ARHGAP44: variants seen among roughly 807,000 people sequenced by gnomAD.
ARHGAP44 encodes the protein Rho GTPase activating protein 44, also known as rho GTPase-activating protein 44.
ARHGAP44 carries 43 observed loss-of-function variants against 106.8 expected under a neutral mutation model. That is an observed-to-expected ratio of 0.40 (90% confidence interval 0.32 to 0.52). ARHGAP44 has a LOEUF of 0.52. ARHGAP44 is among the 20% of genes least tolerant of loss of function. The probability of loss-of-function intolerance (pLI) is 0.48; values close to 1 mark genes in which losing one functional copy is unlikely to be tolerated. For synonymous variants in ARHGAP44, 439 were observed against 410.3 expected (o/e 1.07, Z -0.85); for missense variants, 866 against 1,050.5 (o/e 0.82, Z 2.43).
chr17:12,815,686 G>T (rs1213438822), intron 1 of ARHGAP44, among the ~76,000 whole-genome samples: 1 of 152,176 alleles, frequency 6.6e-6, no homozygotes, highest in African/African-American at 2.4e-5. Flanking sequence ...CAAATTGGCC[G>T]TTGGGTGGTA....
chr17:12,831,065 C>CT (rs2035073697), intron 1 of ARHGAP44, among the ~76,000 whole-genome samples: 1 of 152,174 alleles, frequency 6.6e-6, no homozygotes, highest in Non-Finnish European at 1.5e-5. Flanking sequence ...GAAGTTTATT[C>CT]TGGCTCGCTT....
In ARHGAP44 at chr17:12,896,415, G is replaced by A. The variant is rs374981240; in HGVS notation, c.102G>A (p.Lys34=). The A allele has an allele frequency of 7.5e-6, 12 of 1,599,334 alleles. No homozygotes were observed. Among genetic ancestry groups the A allele is most frequent in the Non-Finnish European group, 1.0e-5 (12 of 1,173,472 alleles). Residue 34 remains lysine (K), a synonymous_variant, in exon 3 of 21, where the codon AAG becomes AAA. Coordinates refer to ENST00000379672, the MANE Select transcript of ARHGAP44 (RefSeq NM_014859.6). ...CGCTCTTCTCTCTGCAGGTGGAGAAGCGTCTGGAGCTGGTGAAACAGGTGT... is the reference window on the plus strand; with the variant it reads ...CGCTCTTCTCTCTGCAGGTGGAGAAACGTCTGGAGCTGGTGAAACAGGTGT... ...VLSEDLLQVE[K]RLELVKQVSH...
intron 15 of ARHGAP44, among the ~76,000 whole-genome samples, chr17:12,957,187 A>ACTG (rs2039151429): frequency 1.3e-5 from 2 of 151,970 alleles, no homozygotes; most frequent in African/African-American, 4.8e-5. Context: ...TGAACTCCTG[A>ACTG]CCTCAGGTGA....
At chr17:12,839,494 T>G (rs543164419) in intron 1 of ARHGAP44, among the ~76,000 whole-genome samples, 8 of 152,358 alleles carry the variant, frequency 5.3e-5, no homozygotes, top group Non-Finnish European at 1.0e-4. Context: ...TACCGTAGTG[T>G]AGTACATTCT....
At chr17:12,802,948 TATATATATATATATATATATA>T (rs1328063046) in intron 1 of ARHGAP44, among the ~76,000 whole-genome samples, 389 of 36,164 alleles carry the variant, frequency 0.011, 9 homozygotes, top group South Asian at 0.019. Flanking sequence ...TATATATATA[TATATATATATATATATATATA>T]TTTTTTTTTT....
chr17:12,922,960 T>C (rs966193579), intron 6 of ARHGAP44, among the ~76,000 whole-genome samples: 1 of 152,200 alleles, frequency 6.6e-6, no homozygotes, highest in Non-Finnish European at 1.5e-5. Flanking sequence ...AATGTTTTTA[T>C]ATCTTCAGCT....
chr17:12,938,722 A>G (rs979739924), intron 7 of ARHGAP44, among the ~76,000 whole-genome samples: 12 of 152,168 alleles, frequency 7.9e-5, no homozygotes, highest in African/African-American at 2.9e-4. Context: ...TTGATTAATT[A>G]TGAAAGGGTT....
rs1470378534 is a variant in ARHGAP44, at chr17:12,938,223, T to C, written c.583-2833T>C. ...AGACATTATAAAATTGAGAGTTGTT[T>C]CTAGATGAGAAGAGTTAATATTATA... On this transcript the variant is annotated intron_variant, in intron 7 of 20. Transcript: ENST00000379672. Among the ~76,000 whole-genome samples the C allele has an allele frequency of 2.0e-5, 3 of 152,232 alleles. No individual in the cohort carries two copies. The East Asian group carries it at 5.8e-4, about 29-fold the overall frequency.
intron 1 of ARHGAP44, among the ~76,000 whole-genome samples, chr17:12,823,648 C>G (rs1193194463): frequency 6.6e-6 from 1 of 152,144 alleles, no homozygotes; most frequent in Admixed American, 6.5e-5. Context: ...GTATATTCAA[C>G]TGATCTCTCA....
chr17:12,880,459 G>A (rs2036693645), intron 1 of ARHGAP44, among the ~76,000 whole-genome samples: 2 of 151,904 alleles, frequency 1.3e-5, no homozygotes, highest in African/African-American at 4.8e-5. Flanking sequence ...AATGGTGTTT[G>A]CTTTTGAGCT....
At chr17:12,825,418 G>GTGTGTGTGTGTA (rs758511518) in intron 1 of ARHGAP44, among the ~76,000 whole-genome samples, 1 of 94,474 alleles carries the variant, frequency 1.1e-5, no homozygotes, top group East Asian at 2.7e-4. Flanking sequence ...GAGTGTGTTT[G>GTGTGTGTGTGTA]TGTGTGTGTG....
chr17:12,954,444 G>A (rs1219151815), intron 13 of ARHGAP44, among the ~76,000 whole-genome samples: 1 of 152,192 alleles, frequency 6.6e-6, no homozygotes, highest in Non-Finnish European at 1.5e-5. Context: ...CCATGGGTTG[G>A]CCTAAGCTCT....
At chr17:12,849,267 G>A (rs1371339266) in intron 1 of ARHGAP44, among the ~76,000 whole-genome samples, 1 of 151,808 alleles carries the variant, frequency 6.6e-6, no homozygotes, top group Non-Finnish European at 1.5e-5. Flanking sequence ...TTCTGTATAA[G>A]GCTGTTTTCA....
intron 3 of ARHGAP44, among the ~76,000 whole-genome samples, chr17:12,907,614 G>A (rs2037592733): frequency 6.6e-6 from 1 of 152,158 alleles, no homozygotes; most frequent in African/African-American, 2.4e-5. Flanking sequence ...TTAGCATGAT[G>A]TCTTCAAGAT....
intron 1 of ARHGAP44, among the ~76,000 whole-genome samples, chr17:12,849,631 T>C (rs1486111532): frequency 1.4e-5 from 2 of 145,588 alleles, no homozygotes; most frequent in Admixed American, 7.0e-5. Flanking sequence ...ATGTGTCTGA[T>C]CCCAAAGCAT....
At chr17:12,887,043 T>C (rs1597999732) in intron 1 of ARHGAP44, among the ~76,000 whole-genome samples, 1 of 151,556 alleles carries the variant, frequency 6.6e-6, no homozygotes, top group Admixed American at 6.6e-5. Flanking sequence ...ATTGCTATGA[T>C]CGTGTGGTTT....
intron 1 of ARHGAP44, among the ~76,000 whole-genome samples, chr17:12,848,245 C>G (rs2035628098): frequency 6.6e-6 from 1 of 152,164 alleles, no homozygotes; most frequent in Admixed American, 6.5e-5. Context: ...GAATCTTTGT[C>G]TTAAATATTA....
At chr17:12,900,031 T>G (rs2037328336) in intron 3 of ARHGAP44, among the ~76,000 whole-genome samples, 1 of 152,204 alleles carries the variant, frequency 6.6e-6, no homozygotes, top group Non-Finnish European at 1.5e-5. Flanking sequence ...GAGAGAACAT[T>G]ATTGTCTTGT....
intron 1 of ARHGAP44, among the ~76,000 whole-genome samples, chr17:12,814,235 GT>G (rs773171329): frequency 0.063 from 5,496 of 87,282 alleles, 44 homozygotes; most frequent in Admixed American, 0.073. Context: ...CCAAACTGGT[GT>G]TTTTTTTTTT....
Sources: allele counts gnomAD v4.1 joint callset (sites outside exome capture counted in the v4.1 genomes callset), GRCh38; gene constraint gnomAD v4.1.1; transcripts MANE v1.5; gene names NCBI Gene and HGNC (gene_info 2026-07-23, HGNC 2026-07-21).